The following NGEF variants were observed in gnomAD, a reference collection of about 807,000 sequenced individuals.
The protein encoded by NGEF is ephexin-1.
Under a neutral mutation model 80.9 loss-of-function variants are expected in NGEF, and 31 were observed. The observed-to-expected ratio is 0.38, with a 90% CI of 0.29 to 0.52. The LOEUF (loss-of-function observed/expected upper bound fraction) is 0.52. Among genes scored for constraint, NGEF ranks in the 20% least tolerant of loss-of-function variants. The probability of loss-of-function intolerance (pLI) is 0.84; values close to 1 mark genes in which losing one functional copy is unlikely to be tolerated. For missense variants in NGEF, 709 were observed against 926.2 expected (o/e 0.77, Z 3.04); for synonymous variants, 371 against 370.2 (o/e 1.00, Z -0.03).
intron 1 of NGEF, among the ~76,000 whole-genome samples, chr2:233,005,439 A>C (rs1311411934): frequency 1.3e-5 from 2 of 152,356 alleles, no homozygotes; most frequent in African/African-American, 4.8e-5. Flanking sequence ...CCTGACCCAC[A>C]GGACCACTCC....
At chr2:232,900,493 CAT>C (rs145606388) in intron 5 of NGEF, among the ~76,000 whole-genome samples, 1,199 of 91,444 alleles carry the variant, frequency 0.013, 4 homozygotes, top group African/African-American at 0.036. Context: ...CACAGTCACT[CAT>C]ATACACGTTC....
At chr2:232,972,030 G>A (rs980566477) in intron 2 of NGEF, among the ~76,000 whole-genome samples, 3 of 152,198 alleles carry the variant, frequency 2.0e-5, no homozygotes, top group Non-Finnish European at 4.4e-5. Flanking sequence ...CTTGAAATGT[G>A]GCTGAGGAGG....
Position 232,882,247 on chromosome 2 carries a change from C to T in NGEF, c.1776G>A (p.Trp592Ter), listed in dbSNP as rs1211596607. The T allele has an allele frequency of 6.2e-7, 1 of 1,613,720 alleles. No individual in the cohort carries two copies. Among genetic ancestry groups the T allele is most frequent in the South Asian group, 1.1e-5 (1 of 91,004 alleles). Residue 592 changes from tryptophan to a stop codon, truncating the protein, a stop_gained, in exon 13 of 15, where the codon TGG becomes TGA. Transcript: ENST00000264051. LOFTEE classifies it high-confidence loss of function. ...TCCTGTTGGGGGCCAGTGAGGTCAT[C>T]CAACGCTTCATCTCACTCCTGGCAC... ...KASSQSEMKR[W>*]MTSLAPNRRT...
In NGEF at chr2:232,892,019, G is replaced by A. The variant is rs1442402692; in HGVS notation, c.1143-532C>T. 6.6e-6 allele frequency among the ~76,000 whole-genome samples: 1 copy of A among 152,210 alleles called. No individual in the cohort carries two copies. The highest frequency in any genetic ancestry group is 1.5e-5 in the Non-Finnish European group (1 of 68,046). ...GACAGCAGGGACGGCAGGGACAGGTGCTCAGCCTGTCACTCAGCCTCTGTG... is the reference window on the plus strand; with the variant it reads ...GACAGCAGGGACGGCAGGGACAGGTACTCAGCCTGTCACTCAGCCTCTGTG... On this transcript the variant is annotated intron_variant, in intron 7 of 14. Coordinates refer to ENST00000264051, the MANE Select transcript of NGEF (RefSeq NM_019850.3). The surrounding 1 kb of genome is among the most constrained non-coding windows in gnomAD (Gnocchi z 4.0).
rs971638487 is a variant in NGEF, at chr2:232,966,580, A to G, written c.383+3634T>C. Among the ~76,000 whole-genome samples the G allele has an allele frequency of 6.0e-5, 9 of 149,930 alleles. No individual in the cohort carries two copies. In the Admixed American group the frequency reaches 6.0e-4, roughly 10 times the overall value. On this transcript the variant is annotated intron_variant, in intron 3 of 14. Coordinates refer to ENST00000264051, the MANE Select transcript of NGEF (RefSeq NM_019850.3). Reference sequence around the variant, plus strand: ...ATTTAACTTAAGGGAAAAGGCTCCCATGGGGAAGGGTAGGAAACTCACAGC... The same window carrying G: ...ATTTAACTTAAGGGAAAAGGCTCCCGTGGGGAAGGGTAGGAAACTCACAGC...
rs984101754 is a variant in NGEF, at chr2:232,892,642, C to T, written c.1142+256G>A. Among the ~76,000 whole-genome samples the T allele has an allele frequency of 2.0e-5, 3 of 152,166 alleles. No homozygotes were observed. The highest frequency in any genetic ancestry group is 4.8e-5 in the African/African-American group (2 of 41,428). ...CTCTGCTCAGCCATTGGATCCAGGTCCAGTGGATGCTACGCTGATTCTCTT... is the reference window on the plus strand; with the variant it reads ...CTCTGCTCAGCCATTGGATCCAGGTTCAGTGGATGCTACGCTGATTCTCTT... On this transcript the variant is annotated intron_variant, in intron 7 of 14. Coordinates refer to ENST00000264051, the MANE Select transcript of NGEF (RefSeq NM_019850.3). The surrounding 1 kb of genome is among the most constrained non-coding windows in gnomAD (Gnocchi z 4.0).
At chr2:232,941,238 T>TG (rs1340061731) in intron 3 of NGEF, among the ~76,000 whole-genome samples, 1 of 152,124 alleles carries the variant, frequency 6.6e-6, no homozygotes, top group Admixed American at 6.5e-5. Flanking sequence ...CATCAAGTGC[T>TG]GGGTCTGCAA....
chr2:233,008,112 G>A (rs1028555825), intron 1 of NGEF, among the ~76,000 whole-genome samples: 30 of 152,162 alleles, frequency 2.0e-4, no homozygotes, highest in Admixed American at 2.0e-4. Flanking sequence ...ACCCATATGT[G>A]AGGGTTCTAA....
At chr2:232,901,016 CAA>C (rs1252349666) in intron 5 of NGEF, among the ~76,000 whole-genome samples, 1 of 152,224 alleles carries the variant, frequency 6.6e-6, no homozygotes, top group Non-Finnish European at 1.5e-5. Context: ...ATTTGAAAAA[CAA>C]AAGAGACCCA....
intron 1 of NGEF, among the ~76,000 whole-genome samples, chr2:232,983,342 G>C (rs939224351): frequency 6.6e-6 from 1 of 152,100 alleles, no homozygotes. Context: ...GAGGGTCCCC[G>C]AGCGGTGAGG....
At position 232,900,397 on chromosome 2, in the gene NGEF, CAT is replaced by C. The variant is rs1319897064; in HGVS notation, c.829-5483_829-5482del. ...ACACACACACGCTCTCACAGTCACT[CAT>C]ATACACGTTCACTCACATTCACTTA... is the stretch of plus-strand genomic sequence containing the variant. On this transcript the variant is annotated intron_variant, in intron 5 of 14. Transcript: ENST00000264051. Among the ~76,000 whole-genome samples the C allele has an allele frequency of 7.0e-5, 6 of 85,580 alleles. 1 individual carries two copies. Among genetic ancestry groups the C allele is most frequent in the East Asian group, 3.4e-4 (1 of 2,938 alleles). The allele number at this position is 85,580 out of a possible 152,430, so 56.1% of individuals were successfully genotyped here.
At chr2:233,010,785 A>T (rs558336287) in intron 1 of NGEF, among the ~76,000 whole-genome samples, 12 of 152,212 alleles carry the variant, frequency 7.9e-5, no homozygotes, top group African/African-American at 2.6e-4. Flanking sequence ...TGCCAAACAA[A>T]GGGAGGAGGA....
chr2:233,000,062 G>T (rs1280938477), intron 1 of NGEF, among the ~76,000 whole-genome samples: 1 of 152,184 alleles, frequency 6.6e-6, no homozygotes, highest in African/African-American at 2.4e-5. Context: ...GGTCCAGCAT[G>T]GCCAGGCTCT....
chr2:232,907,188 GAAAA>G (rs10654316), intron 5 of NGEF, among the ~76,000 whole-genome samples: 2 of 113,160 alleles, frequency 1.8e-5, no homozygotes, highest in African/African-American at 3.4e-5. Context: ...AGAAAAAAAA[GAAAA>G]AAAAAAAAAA....
intron 13 of NGEF, among the ~76,000 whole-genome samples, chr2:232,881,949 G>A (rs1691517627): frequency 6.6e-6 from 1 of 152,178 alleles, no homozygotes; most frequent in South Asian, 2.1e-4. Flanking sequence ...ATTCTTCCTG[G>A]TGACTTTGTG....
chr2:232,893,689 C>T (rs1192448480), intron 6 of NGEF, among the ~76,000 whole-genome samples: 1 of 152,118 alleles, frequency 6.6e-6, no homozygotes, highest in African/African-American at 2.4e-5. Context: ...GCAGGAGAAT[C>T]GCTCGAACCC....
chr2:232,949,076 A>G (rs897368707), intron 3 of NGEF, among the ~76,000 whole-genome samples: 12 of 152,270 alleles, frequency 7.9e-5, no homozygotes, highest in African/African-American at 2.9e-4. Flanking sequence ...ATGTAGTCAG[A>G]TGTTCGGCAT....
At chr2:232,915,018 A>C (rs1262340887) in intron 5 of NGEF, among the ~76,000 whole-genome samples, 2 of 101,750 alleles carry the variant, frequency 2.0e-5, no homozygotes, top group East Asian at 5.0e-4. Context: ...CTCCATCTCC[A>C]AAAAAAAAAA....
chr2:232,942,904 C>CTTTTTTTTTTTTTT, intron 3 of NGEF, among the ~76,000 whole-genome samples: 1 of 117,900 alleles, frequency 8.5e-6, no homozygotes, highest in Non-Finnish European at 1.7e-5. Context: ...AGTGAAATTT[C>CTTTTTTTTTTTTTT]TTTTTTTTTT....
Sources: allele counts gnomAD v4.1 joint callset (sites outside exome capture counted in the v4.1 genomes callset), GRCh38; gene constraint gnomAD v4.1.1; non-coding constraint Gnocchi (gnomAD v3.1); transcripts MANE v1.5; gene names NCBI Gene and HGNC (gene_info 2026-07-23, HGNC 2026-07-21).